Variants in CPM observed in about 807,000 individuals in gnomAD.
CPM encodes carboxypeptidase M.
CPM carries 35 observed loss-of-function variants against 46.4 expected under a neutral mutation model. That is an observed-to-expected ratio of 0.75 (90% CI 0.58 to 1.00). CPM has a LOEUF of 1.00. Ranked by LOEUF, CPM falls within the 50% of genes least tolerant of loss-of-function variation. The pLI is 0.00. For missense variants in CPM, 422 were observed against 530.4 expected (o/e 0.80, Z 2.01); for synonymous variants, 195 against 195.3 (o/e 1.00, Z 0.01).
At chr12:68,881,364 TAAA>T (rs1029263559) in intron 3 of CPM, among the ~76,000 whole-genome samples, 1 of 152,170 alleles carries the variant, frequency 6.6e-6, no homozygotes, top group Non-Finnish European at 1.5e-5. Context: ...AGTATCATAA[TAAA>T]AAGATACTGG....
At chr12:68,858,073 A>T (rs1441460999) in intron 8 of CPM, among the ~76,000 whole-genome samples, 1 of 152,220 alleles carries the variant, frequency 6.6e-6, no homozygotes, top group Non-Finnish European at 1.5e-5. Flanking sequence ...CTATAGTTTT[A>T]TAAACTAAAA....
intron 3 of CPM, among the ~76,000 whole-genome samples, chr12:68,874,154 G>A (rs1349287528): frequency 1.3e-5 from 2 of 152,036 alleles, no homozygotes; most frequent in Non-Finnish European, 2.9e-5. Flanking sequence ...GTCCTTACAA[G>A]CTAATAACCA....
At chr12:68,957,702 ATTATTATAC>A (rs1464773354) in intron 1 of CPM, 1 of 152,398 alleles carries the variant, frequency 6.6e-6, no homozygotes, top group African/African-American at 2.4e-5. Flanking sequence ...TATTATTATT[ATTATTATAC>A]TTTAAGTTCT....
At chr12:68,889,775 C>T (rs1305629503) in intron 2 of CPM, among the ~76,000 whole-genome samples, 3 of 152,190 alleles carry the variant, frequency 2.0e-5, no homozygotes, top group Non-Finnish European at 4.4e-5. Context: ...TAACTCCTCC[C>T]TTCTCAGGCC....
Position 68,921,474 on chromosome 12 carries a change from T to C in CPM, c.160+11204A>G, listed in dbSNP as rs149245206. On this transcript the variant is annotated intron_variant, in intron 2 of 8. Transcript: ENST00000551568. ...TTCTTAATGAAGGCAGGGGTGAGTG[T>C]GATGGTGGTGAACCTCCTATAATTA... 3.6e-3 allele frequency among the ~76,000 whole-genome samples: 541 copies of C among 152,252 alleles called. 1 individual carries two copies. The highest frequency in any genetic ancestry group is 0.013 in the African/African-American group (522 of 41,538).
chr12:68,910,684 GTTA>G (rs1565792739), intron 2 of CPM, among the ~76,000 whole-genome samples: 1 of 151,952 alleles, frequency 6.6e-6, no homozygotes. Flanking sequence ...AACAAAATTT[GTTA>G]TTTAACCATT....
chr12:68,897,736 CAAA>C (rs62826660), intron 2 of CPM, among the ~76,000 whole-genome samples: 15 of 106,022 alleles, frequency 1.4e-4, no homozygotes, highest in East Asian at 2.8e-4. Context: ...GACTCCGTTT[CAAA>C]AAAAAAAAAA....
In CPM at chr12:68,865,306, C is replaced by T. The variant is rs543333656; in HGVS notation, c.940+1590G>A. On this transcript the variant is annotated intron_variant, in intron 7 of 8. Coordinates refer to ENST00000551568, the MANE Select transcript of CPM (RefSeq NM_198320.5). ...ACAGGGAGTCAACCTAGTCCATGAA[C>T]GACTCAGCCAGTTAGACATAGCCCT... 8.5e-5 allele frequency among the ~76,000 whole-genome samples: 13 copies of T among 152,286 alleles called. No homozygotes were observed. In the South Asian group the frequency reaches 1.7e-3, roughly 19 times the overall value.
At chr12:68,962,027 T>C (rs555189112) in intron 1 of CPM, among the ~76,000 whole-genome samples, 254 of 151,890 alleles carry the variant, frequency 1.7e-3, no homozygotes, top group Middle Eastern at 3.4e-3. Context: ...GGTGAAACCC[T>C]GTCTCCACTG....
At chr12:68,961,657 T>A (rs898031681) in intron 1 of CPM, among the ~76,000 whole-genome samples, 3 of 152,132 alleles carry the variant, frequency 2.0e-5, no homozygotes, top group Non-Finnish European at 2.9e-5. Context: ...CTCGCACTTG[T>A]AATCCCAGCA....
intron 2 of CPM, among the ~76,000 whole-genome samples, chr12:68,920,406 C>A (rs1887985574): frequency 6.6e-6 from 1 of 152,144 alleles, no homozygotes; most frequent in Non-Finnish European, 1.5e-5. Flanking sequence ...GAGTGACTAT[C>A]CCCGTGAAAA....
chr12:68,898,767 T>C (rs1021758743), intron 2 of CPM, among the ~76,000 whole-genome samples: 1 of 152,222 alleles, frequency 6.6e-6, no homozygotes, highest in African/African-American at 2.4e-5. Flanking sequence ...GCTCTGTCAC[T>C]TACTAGCCAT....
At chr12:68,955,603 A>G (rs947505095) in intron 1 of CPM, among the ~76,000 whole-genome samples, 3 of 152,138 alleles carry the variant, frequency 2.0e-5, no homozygotes, top group African/African-American at 7.2e-5. Flanking sequence ...AGAATGAGGT[A>G]CTCAAACAAC....
intron 1 of CPM, among the ~76,000 whole-genome samples, chr12:68,958,319 G>T (rs1889058676): frequency 6.6e-6 from 1 of 152,084 alleles, no homozygotes; most frequent in Non-Finnish European, 1.5e-5. Context: ...CAGTATAAAA[G>T]CATTCCTATT....
rs139380598 is a variant in CPM, at chr12:68,932,076, T to G, written c.160+602A>C. Among the ~76,000 whole-genome samples, 230 of 152,350 alleles carry G rather than the reference T, an allele frequency of 1.5e-3. 1 individual carries two copies. Among genetic ancestry groups the G allele is most frequent in the African/African-American group, 5.2e-3 (217 of 41,584 alleles). On this transcript the variant is annotated intron_variant, in intron 2 of 8. Coordinates refer to ENST00000551568, the MANE Select transcript of CPM (RefSeq NM_198320.5). ...GATACATTTTAAAAACAGCCTTTAA[T>G]CATAGAACCACTTTTTTGCATAACT...
chr12:68,940,840 G>T (rs750303686), intron 1 of CPM, among the ~76,000 whole-genome samples: 1 of 151,952 alleles, frequency 6.6e-6, no homozygotes, highest in Admixed American at 6.6e-5. Flanking sequence ...AAATTATTGT[G>T]CTATAAAACA....
chr12:68,854,278 C>A lies in CPM; in HGVS notation c.*2159G>T, dbSNP rs1238592495. 4 of 152,136 alleles carry A rather than the reference C, an allele frequency of 2.6e-5. No homozygotes were observed. The highest frequency in any genetic ancestry group is 5.9e-5 in the Non-Finnish European group (4 of 68,026). The allele number at this position is 152,136 out of a possible 1,614,324, so 9.4% of individuals were successfully genotyped here. ...ACTGGGAGTAGCAGTCTCCTGGCACCCCTTGTTCATTCATTCATTCAGTAC... is the reference window on the plus strand; with the variant it reads ...ACTGGGAGTAGCAGTCTCCTGGCACACCTTGTTCATTCATTCATTCAGTAC... On this transcript the variant is annotated 3_prime_UTR_variant, in exon 9 of 9. Coordinates refer to ENST00000551568, the MANE Select transcript of CPM (RefSeq NM_198320.5).
intron 2 of CPM, among the ~76,000 whole-genome samples, chr12:68,924,169 A>T (rs1020120080): frequency 6.7e-6 from 1 of 149,162 alleles, no homozygotes; most frequent in Non-Finnish European, 1.5e-5. Context: ...AAAAAAAAAA[A>T]CCTAAAATTG....
At chr12:68,921,644 A>G (rs1039790982) in intron 2 of CPM, among the ~76,000 whole-genome samples, 2 of 152,198 alleles carry the variant, frequency 1.3e-5, no homozygotes, top group African/African-American at 4.8e-5. Context: ...GCCTTCTCCT[A>G]CATGCCAGTG....
Sources: gnomAD v4.1 joint callset for allele counts (sites outside exome capture counted in the v4.1 genomes callset) on GRCh38, gnomAD v4.1.1 for gene constraint, MANE v1.5 for transcripts, NCBI Gene and HGNC (gene_info 2026-07-23, HGNC 2026-07-21) for gene names.